The following LTN1 variants were observed in gnomAD, a reference collection of about 807,000 sequenced individuals.
LTN1 encodes listerin E3 ubiquitin protein ligase 1.
Under a neutral mutation model 201.2 loss-of-function variants are expected in LTN1, and 88 were observed. The ratio of observed to expected loss-of-function variants is 0.44; its 90% CI spans 0.37 to 0.52. LTN1 has a LOEUF of 0.52. Among genes scored for constraint, LTN1 ranks in the 20% least tolerant of loss-of-function variants. The pLI, the probability that LTN1 is intolerant of heterozygous loss-of-function variation, is 0.00. For missense variants in LTN1, 1,752 were observed against 2,038.7 expected, an observed-to-expected ratio of 0.86 and a Z score of 2.71; for synonymous variants, 645 against 713.5, an observed-to-expected ratio of 0.90 and a Z score of 1.53.
intron 16 of LTN1, among the ~76,000 whole-genome samples, chr21:28,955,638 A>C (rs928871830): frequency 6.6e-5 from 10 of 151,868 alleles, no homozygotes; most frequent in Non-Finnish European, 1.3e-4. Flanking sequence ...TTAAAAAAAG[A>C]ATGAGGCCAG....
intron 4 of LTN1, 108 bp downstream of exon 4, chr21:28,984,584 T>C: frequency 1.5e-6 from 1 of 688,378 alleles, no homozygotes; most frequent in Admixed American, 3.1e-5. Context: ...TTGGAAATAC[T>C]CTACTTACTC....
chr21:28,943,929 T>A (rs1363369512), intron 22 of LTN1, 25 bp from the exon 23 acceptor site: 5 of 1,420,196 alleles, frequency 3.5e-6, no homozygotes, highest in South Asian at 1.1e-5. Context: ...GAAAGAAACA[T>A]GCACGTCTCA....
chr21:28,943,761 G>A lies in LTN1; in HGVS notation c.4126C>T (p.Pro1376Ser). 6.2e-7 allele frequency: 1 copy of A among 1,613,818 alleles called. No homozygotes were observed. Among genetic ancestry groups the A allele is most frequent in the Non-Finnish European group, 8.5e-7 (1 of 1,179,842 alleles). The change falls in exon 23 of 30, where the codon CCA (proline) becomes TCA (serine). Residue 1376 changes from proline (P) to serine (S), a missense_variant. Physicochemically the swap from Pro to Ser is moderately conservative, Grantham distance 74. Coordinates refer to ENST00000361371, the MANE Select transcript of LTN1 (RefSeq NM_015565.3). ...TTTAACAAAGTCTGGAGATATTCTG[G>A]TAAGTTTGTTTTTTGGTCAGCAACT... ...RLVADQKTNL[P>S]EYLQTLLNTL...
chr21:28,937,484 G>A (rs1031424975), intron 25 of LTN1, among the ~76,000 whole-genome samples: 1 of 152,080 alleles, frequency 6.6e-6, no homozygotes, highest in Non-Finnish European at 1.5e-5. Context: ...AGGGTAAGTG[G>A]GGTATTCATC....
intron 11 of LTN1, 185 bp from the exon 12 acceptor site, chr21:28,960,891 T>C (rs2084472585): frequency 6.4e-6 from 3 of 466,042 alleles, no homozygotes; most frequent in Non-Finnish European, 1.1e-5. Context: ...CTGTATGATG[T>C]TCACTTCCAC....
At chr21:28,938,654 A>G (rs1401621957) in intron 25 of LTN1, among the ~76,000 whole-genome samples, 1 of 152,242 alleles carries the variant, frequency 6.6e-6, no homozygotes, top group Non-Finnish European at 1.5e-5. Flanking sequence ...ATAGCCAAAA[A>G]AAAGGAAACA....
chr21:28,947,776 T>C (rs1390256706), intron 18 of LTN1, among the ~76,000 whole-genome samples, 170 bp from the exon 19 acceptor site: 1 of 147,372 alleles, frequency 6.8e-6, no homozygotes, highest in Middle Eastern at 3.5e-3. Context: ...ATGAAATTGG[T>C]TTTTTTTGCT....
chr21:28,991,830 G>A (rs1347078061), intron 1 of LTN1, among the ~76,000 whole-genome samples: 4 of 151,572 alleles, frequency 2.6e-5, no homozygotes, highest in Non-Finnish European at 5.9e-5. Context: ...TCAGAAACAG[G>A]AAAAAAAAGC....
intron 6 of LTN1, among the ~76,000 whole-genome samples, chr21:28,978,708 T>C (rs1230069823): frequency 6.6e-6 from 1 of 151,964 alleles, no homozygotes; most frequent in Admixed American, 6.5e-5. Flanking sequence ...TGCCTAAAAA[T>C]GACAAAAGAT....
In LTN1 at chr21:28,959,680, C is replaced by T. The variant is rs752778452; in HGVS notation, c.2371G>A (p.Val791Ile). ...CTAACAATGATTCTTTCAACATATA[C>T]GTCTCCAATCAAGTAATCTGGAGAA... ...HVKNDYLIGD[V>I]YVERIIVRLH... The change falls in exon 13 of 30, where the codon GTA (valine) becomes ATA (isoleucine). Residue 791 changes from valine (V) to isoleucine (I), a missense_variant. Physicochemically the swap from Val to Ile is conservative, Grantham distance 29. Around this residue, in one of 3 missense-constraint regions of LTN1, gnomAD observed 1,211 missense variants for 1,312.8 expected, o/e 0.92. Coordinates refer to ENST00000361371, the MANE Select transcript of LTN1 (RefSeq NM_015565.3). 7.5e-6 allele frequency: 12 copies of T among 1,606,798 alleles called. No individual in the cohort carries two copies. Among genetic ancestry groups the T allele is most frequent in the African/African-American group, 4.0e-5 (3 of 74,544 alleles).
intron 5 of LTN1, 93 bp downstream of exon 5, chr21:28,982,223 A>G: frequency 1.7e-6 from 2 of 1,175,000 alleles, no homozygotes; most frequent in Non-Finnish European, 2.5e-6. Context: ...TCTCAAAAAA[A>G]AAACAAAAAC....
At chr21:28,945,602 T>C (rs1316610850) in intron 21 of LTN1, among the ~76,000 whole-genome samples, 1 of 152,240 alleles carries the variant, frequency 6.6e-6, no homozygotes, top group Non-Finnish European at 1.5e-5. Flanking sequence ...ATTTGGTCAC[T>C]GAATGATGCT....
At chr21:28,966,124 A>G (rs966571412) in intron 10 of LTN1, among the ~76,000 whole-genome samples, 1 of 152,198 alleles carries the variant, frequency 6.6e-6, no homozygotes, top group East Asian at 1.9e-4. Context: ...CAAAACTAAA[A>G]TGTTCTTATC....
In LTN1 at chr21:28,988,553, C is replaced by A. The variant is rs547418146; in HGVS notation, c.43-1619G>T. Among the ~76,000 whole-genome samples the A allele has an allele frequency of 3.3e-5, 5 of 151,858 alleles. No homozygotes were observed. In the South Asian group the frequency reaches 1.0e-3, roughly 32 times the overall value. On this transcript the variant is annotated intron_variant, in intron 1 of 29. Transcript: ENST00000361371. ...GGAATAATCTGGCCTACTTCCTAAACTGAACTGAGTGAACAGGAAAGAAAA... is the reference window on the plus strand; with the variant it reads ...GGAATAATCTGGCCTACTTCCTAAAATGAACTGAGTGAACAGGAAAGAAAA...
intron 5 of LTN1, among the ~76,000 whole-genome samples, chr21:28,981,714 G>A (rs1027723170): frequency 6.6e-6 from 1 of 152,100 alleles, no homozygotes; most frequent in East Asian, 1.9e-4. Context: ...TGTTCAACCA[G>A]ACCTTAAAAT....
chr21:28,953,211 T>C lies in LTN1; in HGVS notation c.3239+6A>G. The C allele has an allele frequency of 6.4e-7, 1 of 1,552,870 alleles. No homozygotes were observed. The highest frequency in any genetic ancestry group is 8.6e-7 in the Non-Finnish European group (1 of 1,156,958). On this transcript the variant is annotated splice_donor_region_variant and intron_variant, in intron 17 of 29. Coordinates refer to ENST00000361371, the MANE Select transcript of LTN1 (RefSeq NM_015565.3). The stretch of plus-strand genomic sequence containing the variant: ...ATTTTAAAAACAAATTGAAAGAGAT[T>C]CTTACCTGTTAAATAACAGCTGCAA...
In LTN1 at chr21:28,932,529, C is replaced by T. The variant is rs1159759108; in HGVS notation, c.5011G>A (p.Val1671Ile). ...CAGTTCCGCCACTGCTGAACAGCTA[C>T]TCCTACTCTTTTCCCACTTTCTACT... ...IIVESGKRVG[V>I]AVQQWRNWML... The change falls in exon 28 of 30, where the codon GTA becomes ATA. Residue 1671 changes from valine to isoleucine, a missense_variant. Physicochemically the swap from Val to Ile is conservative, Grantham distance 29 (BLOSUM62 3). Coordinates refer to ENST00000361371, the MANE Select transcript of LTN1 (RefSeq NM_015565.3). 1 of 1,614,070 alleles carries T rather than the reference C, an allele frequency of 6.2e-7. No individual in the cohort carries two copies. The highest frequency in any genetic ancestry group is 1.1e-5 in the South Asian group (1 of 91,088).
At chr21:28,952,889 T>C (rs2084394173) in intron 17 of LTN1, among the ~76,000 whole-genome samples, 1 of 152,112 alleles carries the variant, frequency 6.6e-6, no homozygotes, top group African/African-American at 2.4e-5. Context: ...TATAACAACA[T>C]GTAAGATAAA....
intron 6 of LTN1, among the ~76,000 whole-genome samples, chr21:28,980,826 G>C (rs2084652753): frequency 6.6e-6 from 1 of 151,944 alleles, no homozygotes; most frequent in Admixed American, 6.6e-5. Flanking sequence ...ATAGACAAAA[G>C]GGAAAAAATA....
Sources: gnomAD v4.1 joint callset for allele counts (sites outside exome capture counted in the v4.1 genomes callset) on GRCh38, gnomAD v4.1.1 for gene constraint, gnomAD v4.1.1 regional missense constraint, MANE v1.5 for transcripts, NCBI Gene and HGNC (gene_info 2026-07-23, HGNC 2026-07-21) for gene names.